SLC14A2: variants seen among roughly 807,000 people sequenced by gnomAD.
SLC14A2 encodes urea transporter 2.
A neutral mutation model predicts 104.6 loss-of-function variants in SLC14A2; 91 were observed. The observed-to-expected ratio is 0.87, with a 90% CI of 0.73 to 1.04. The LOEUF is 1.04. SLC14A2 is among the 50% of genes least tolerant of loss of function. The pLI is 0.00. For synonymous variants in SLC14A2, 476 were observed against 466.4 expected (o/e 1.02, Z -0.27); for missense variants, 1,189 against 1,156.0 (o/e 1.03, Z -0.41).
In SLC14A2 at chr18:45,632,449, G is replaced by C; in HGVS notation, c.621G>C (p.Leu207=). ...AGTTAGACTACTACTGGTGGCTTCTGTTTCCTGTGACCTTCACAGCCATGT... is the reference window on the plus strand; with the variant it reads ...AGTTAGACTACTACTGGTGGCTTCTCTTTCCTGTGACCTTCACAGCCATGT... ...SEKLDYYWWL[L]FPVTFTAMSC... The change falls in exon 5 of 20, where the codon CTG becomes CTC. Residue 207 remains leucine (L), a synonymous_variant. Transcript: ENST00000255226. The C allele has an allele frequency of 1.9e-6, 3 of 1,614,016 alleles. No individual in the cohort carries two copies. The highest frequency in any genetic ancestry group is 2.5e-6 in the Non-Finnish European group (3 of 1,179,948).
chr18:45,416,478 C>G (rs895660443), intron 1 of SLC14A2, among the ~76,000 whole-genome samples: 1 of 152,134 alleles, frequency 6.6e-6, no homozygotes, highest in Non-Finnish European at 1.5e-5. Context: ...TTCCACCAGT[C>G]AGAGTTAATC....
chr18:45,202,464 G>A, the SLC14A2 span, among the ~76,000 whole-genome samples: 1 of 152,068 alleles, frequency 6.6e-6, no homozygotes, highest in Non-Finnish European at 1.5e-5. Flanking sequence ...CAATGTTTGA[G>A]GCAAATATAT....
In SLC14A2 at chr18:45,477,283, C is replaced by T. The variant is rs139491945; in HGVS notation, c.-124-5950C>T. Among the ~76,000 whole-genome samples the T allele has an allele frequency of 6.1e-3, 933 of 152,334 alleles. 3 individuals carry two copies. The highest frequency in any genetic ancestry group is 9.0e-3 in the Non-Finnish European group (612 of 68,036). ...GAGCTTGCTGGAGGTCCACTCCAGA[C>T]CTTGTTTGCCTGGGTATCACCAGTG... is the stretch of plus-strand genomic sequence containing the variant. On this transcript the variant is annotated intron_variant, in intron 1 of 20. Coordinates refer to the SLC14A2 transcript ENST00000586448.
chr18:45,506,702 A>G (rs573574285), intron 2 of SLC14A2, among the ~76,000 whole-genome samples: 1 of 152,358 alleles, frequency 6.6e-6, no homozygotes, highest in East Asian at 1.9e-4. Context: ...CACAGGGAGC[A>G]TGGCCCTGCC....
chr18:45,550,507 G>A (rs997311538), intron 2 of SLC14A2, among the ~76,000 whole-genome samples: 2 of 152,156 alleles, frequency 1.3e-5, no homozygotes, highest in East Asian at 3.9e-4. Flanking sequence ...TAGGGAGTGT[G>A]GCGTATTCAT....
chr18:45,530,379 C>A, intron 2 of SLC14A2, among the ~76,000 whole-genome samples: 1 of 152,222 alleles, frequency 6.6e-6, no homozygotes, highest in South Asian at 2.1e-4. Context: ...TTAAATAAGA[C>A]AAAAATATCA....
At chr18:45,345,202 T>A (rs28430637) in intron 1 of SLC14A2, among the ~76,000 whole-genome samples, 3 of 152,224 alleles carry the variant, frequency 2.0e-5, no homozygotes, top group African/African-American at 7.2e-5. Flanking sequence ...AGGAAGTGAA[T>A]GCCATGAGAA....
chr18:45,315,290 G>T (rs546577042), intron 1 of SLC14A2, among the ~76,000 whole-genome samples: 14 of 152,274 alleles, frequency 9.2e-5, no homozygotes, highest in African/African-American at 3.4e-4. Context: ...TCTGATTCCA[G>T]TTGTGGTCTA....
At chr18:45,507,226 C>T (rs2043300399) in intron 2 of SLC14A2, 1 of 152,404 alleles carries the variant, frequency 6.6e-6, no homozygotes, top group African/African-American at 2.4e-5. Context: ...AGGGAAGGTC[C>T]TAGGGGAGGT....
intron 10 of SLC14A2, among the ~76,000 whole-genome samples, chr18:45,645,632 A>ATATATATATAT (rs1568312070): frequency 9.8e-4 from 7 of 7,116 alleles, no homozygotes; most frequent in Non-Finnish European, 2.4e-3. Context: ...TACATATACA[A>ATATATATATAT]AGATATATAT....
chr18:45,522,035 C>G (rs771115230), intron 2 of SLC14A2, among the ~76,000 whole-genome samples: 2 of 152,188 alleles, frequency 1.3e-5, no homozygotes, highest in African/African-American at 2.4e-5. Context: ...TCTAATCCTG[C>G]CTGGACTATT....
At chr18:45,595,415 T>C (rs937087593) in intron 2 of SLC14A2, among the ~76,000 whole-genome samples, 3 of 152,160 alleles carry the variant, frequency 2.0e-5, no homozygotes, top group Non-Finnish European at 4.4e-5. Flanking sequence ...GGTTTTTTTT[T>C]TTTTAAGCTG....
intron 2 of SLC14A2, among the ~76,000 whole-genome samples, 195 bp from the exon 3 acceptor site, chr18:45,625,487 GA>G (rs1481627102): frequency 6.6e-6 from 1 of 152,192 alleles, no homozygotes; most frequent in Non-Finnish European, 1.5e-5. Flanking sequence ...ATCCTGCTGT[GA>G]AGAAGGTGCA....
At chr18:45,664,040 C>T (rs982137744) in intron 11 of SLC14A2, 133 bp downstream of exon 11, 10 of 922,108 alleles carry the variant, frequency 1.1e-5, no homozygotes, top group Admixed American at 3.1e-5. Flanking sequence ...TCACACCTGA[C>T]GTCTGACCAA....
intron 2 of SLC14A2, among the ~76,000 whole-genome samples, chr18:45,543,240 G>C (rs1457406754): frequency 6.6e-6 from 1 of 152,142 alleles, no homozygotes; most frequent in Non-Finnish European, 1.5e-5. Context: ...GAGCCACTGC[G>C]CCCAGCCTGT....
intron 1 of SLC14A2, among the ~76,000 whole-genome samples, chr18:45,237,193 C>A (rs1042036579): frequency 6.6e-6 from 1 of 152,160 alleles, no homozygotes; most frequent in Non-Finnish European, 1.5e-5. Flanking sequence ...CCAATAAACA[C>A]ATGAGGGCCC....
Position 45,663,876 on chromosome 18 carries a change from C to G in SLC14A2, c.1443C>G (p.Ile481Met), listed in dbSNP as rs369753089. Residue 481 changes from isoleucine to methionine, a missense_variant, in exon 11 of 20, where the codon ATC becomes ATG. Transcript: ENST00000255226. ...VLSKHRSVFH[I>M]EWSSIRRRSK... ...CCAAGCACAGGAGTGTATTTCACAT[C>G]GAGTGGTCATCCATTCGGAGGAGGA... 1.2e-5 allele frequency: 19 copies of G among 1,613,346 alleles called. No individual in the cohort carries two copies. Among genetic ancestry groups the G allele is most frequent in the Non-Finnish European group, 1.4e-5 (16 of 1,179,864 alleles).
chr18:45,430,566 T>G (rs2086498890), intron 1 of SLC14A2, among the ~76,000 whole-genome samples: 5 of 151,656 alleles, frequency 3.3e-5, no homozygotes, highest in Admixed American at 2.0e-4. Context: ...TTTATTTTAT[T>G]TTATTATTTT....
At chr18:45,316,174 C>G (rs975433209) in intron 1 of SLC14A2, among the ~76,000 whole-genome samples, 2 of 152,194 alleles carry the variant, frequency 1.3e-5, no homozygotes, top group Non-Finnish European at 2.9e-5. Context: ...CAGAGGCCAG[C>G]AGAGTCCCCA....
Sources: gnomAD v4.1 joint callset for allele counts (sites outside exome capture counted in the v4.1 genomes callset) on GRCh38, gnomAD v4.1.1 for gene constraint, MANE v1.5 for transcripts, NCBI Gene and HGNC (gene_info 2026-07-23, HGNC 2026-07-21) for gene names.